EYA3: variants seen among roughly 807,000 people sequenced by gnomAD.
EYA3 encodes the protein protein phosphatase EYA3.
EYA3 carries 39 observed loss-of-function variants against 80.0 expected under a neutral mutation model. That is an observed-to-expected ratio of 0.49 (90% confidence interval 0.38 to 0.64). The LOEUF is 0.64. Ranked by LOEUF, EYA3 falls within the 30% of genes least tolerant of loss-of-function variation. The probability of loss-of-function intolerance (pLI) is 0.00; values close to 1 mark genes in which losing one functional copy is unlikely to be tolerated. For synonymous variants in EYA3, 206 were observed against 232.8 expected, an observed-to-expected ratio of 0.88 and a Z score of 1.05; for missense variants, 523 against 676.1, an observed-to-expected ratio of 0.77 and a Z score of 2.51.
intron 10 of EYA3, among the ~76,000 whole-genome samples, chr1:28,008,623 C>G (rs1432065635): frequency 6.6e-6 from 1 of 151,992 alleles, no homozygotes; most frequent in South Asian, 2.1e-4. Context: ...CAAAGAACTC[C>G]TACAACTCAA....
intron 1 of EYA3, among the ~76,000 whole-genome samples, chr1:28,078,257 T>A (rs115428856): frequency 0.016 from 2,374 of 152,302 alleles, 46 homozygotes; most frequent in Middle Eastern, 0.051. Flanking sequence ...AGAGAGATTT[T>A]AAAAGTTGGG....
At chr1:28,027,977 G>C in intron 6 of EYA3, 51 bp from the exon 7 acceptor site, 1 of 1,584,580 alleles carries the variant, frequency 6.3e-7, no homozygotes, top group Non-Finnish European at 8.6e-7. Flanking sequence ...GGACTGAGGA[G>C]CATGGTTATG....
intron 3 of EYA3, among the ~76,000 whole-genome samples, chr1:28,045,364 A>G (rs1176977392): frequency 6.6e-6 from 1 of 152,202 alleles, no homozygotes; most frequent in African/African-American, 2.4e-5. Flanking sequence ...TACCAGGGGA[A>G]GGGCATAAAA....
At chr1:28,038,458 A>AAC (rs1237786341) in intron 5 of EYA3, among the ~76,000 whole-genome samples, 2 of 151,012 alleles carry the variant, frequency 1.3e-5, no homozygotes, top group African/African-American at 4.9e-5. Context: ...AAAAAAAAAA[A>AAC]AAAAAACCGA....
chr1:27,974,416 C>G lies in EYA3; in HGVS notation c.*50G>C, dbSNP rs1638840384. 1 of 1,456,902 alleles carries G rather than the reference C, an allele frequency of 6.9e-7. No individual in the cohort carries two copies. Among genetic ancestry groups the G allele is most frequent in the African/African-American group, 1.4e-5 (1 of 71,108 alleles). 90.2% of individuals were successfully genotyped at this position (1,456,902 alleles called of 1,614,324 possible). A position where few individuals can be genotyped will look rare whatever the true frequency, so the allele number is the denominator to read the frequency against. ...TCTCAGTTGGTTCCAGTCTCCAGCT[C>G]CCTTCAGGAGTGAAAAGGAGCTCAA... On this transcript the variant is annotated 3_prime_UTR_variant, in exon 18 of 18. Coordinates refer to ENST00000373871, the MANE Select transcript of EYA3 (RefSeq NM_001990.4).
At chr1:28,081,448 T>C (rs1645425449) in intron 1 of EYA3, among the ~76,000 whole-genome samples, 1 of 152,172 alleles carries the variant, frequency 6.6e-6, no homozygotes, top group Non-Finnish European at 1.5e-5. Context: ...TTTTTAAATT[T>C]AAAAGAGAAA....
intron 6 of EYA3, among the ~76,000 whole-genome samples, chr1:28,033,404 T>C (rs967870456): frequency 7.2e-5 from 11 of 152,086 alleles, no homozygotes; most frequent in African/African-American, 2.7e-4. Flanking sequence ...AAAATCTCTC[T>C]CCAGTAAGTC....
At chr1:27,983,947 G>C in intron 16 of EYA3, among the ~76,000 whole-genome samples, 1 of 151,940 alleles carries the variant, frequency 6.6e-6, no homozygotes, top group East Asian at 1.9e-4. Flanking sequence ...GAGCCATTAA[G>C]CCTGGCAGTT....
intron 1 of EYA3, among the ~76,000 whole-genome samples, chr1:28,069,931 T>C (rs1644965018): frequency 6.6e-6 from 1 of 152,124 alleles, no homozygotes; most frequent in African/African-American, 2.4e-5. Context: ...AAGAAGAGAC[T>C]GGAGGGTTAC....
intron 1 of EYA3, among the ~76,000 whole-genome samples, 174 bp downstream of exon 1, chr1:28,088,350 G>A (rs192280822): frequency 1.3e-5 from 2 of 152,284 alleles, no homozygotes; most frequent in Admixed American, 6.5e-5. Context: ...AAGCTGAGGT[G>A]AATAAGGCGA....
intron 1 of EYA3, among the ~76,000 whole-genome samples, chr1:28,064,922 C>T (rs1035543493): frequency 6.6e-6 from 1 of 152,156 alleles, no homozygotes; most frequent in African/African-American, 2.4e-5. Flanking sequence ...AGAGTAACAG[C>T]AATAATGTTG....
At chr1:28,002,537 A>G (rs1640939785) in intron 11 of EYA3, among the ~76,000 whole-genome samples, 1 of 151,894 alleles carries the variant, frequency 6.6e-6, no homozygotes, top group Non-Finnish European at 1.5e-5. Context: ...GAGGCTGGGT[A>G]TAGAAGCTCA....
At chr1:28,051,485 C>T (rs1221359563) in intron 2 of EYA3, among the ~76,000 whole-genome samples, 6 of 152,002 alleles carry the variant, frequency 3.9e-5, no homozygotes, top group Non-Finnish European at 7.4e-5. Flanking sequence ...GTCAGGAGTC[C>T]GAGACCAGGC....
intron 12 of EYA3, among the ~76,000 whole-genome samples, chr1:27,999,316 T>A (rs1172037363): frequency 6.6e-6 from 1 of 152,172 alleles, no homozygotes; most frequent in Non-Finnish European, 1.5e-5. Context: ...CACATTCTGG[T>A]CTTCTGACTC....
chr1:27,987,017 A>G (rs1279146374), intron 16 of EYA3, among the ~76,000 whole-genome samples: 1 of 152,186 alleles, frequency 6.6e-6, no homozygotes, highest in African/African-American at 2.4e-5. Flanking sequence ...ACAATTTTTA[A>G]GTGTAAAGTT....
In EYA3 at chr1:28,048,428, T is replaced by C; in HGVS notation, c.34-2A>G. 1 of 1,610,972 alleles carries C rather than the reference T, an allele frequency of 6.2e-7. No individual in the cohort carries two copies. Among genetic ancestry groups the C allele is most frequent in the Non-Finnish European group, 8.5e-7 (1 of 1,177,946 alleles). On this transcript the variant is annotated splice_acceptor_variant, in intron 2 of 17. Transcript: ENST00000373871. LOFTEE classifies it high-confidence loss of function. Reference sequence around the variant, plus strand: ...TTCCTGCATCTTGGCTTTTTTCACCTGCAAAAATAAATATACAAAGGTATC... The same window carrying C: ...TTCCTGCATCTTGGCTTTTTTCACCCGCAAAAATAAATATACAAAGGTATC...
At chr1:27,975,195 A>G (rs1361451594) in intron 17 of EYA3, among the ~76,000 whole-genome samples, 1 of 148,650 alleles carries the variant, frequency 6.7e-6, no homozygotes, top group Non-Finnish European at 1.5e-5. Flanking sequence ...TTTTTATTTT[A>G]TTTTGAGACA....
intron 1 of EYA3, among the ~76,000 whole-genome samples, chr1:28,077,931 C>T (rs935654035): frequency 6.6e-6 from 1 of 152,148 alleles, no homozygotes; most frequent in African/African-American, 2.4e-5. Context: ...ACTGACTATA[C>T]ACTATACTAA....
chr1:28,073,116 TATATA>T (rs1645077204), intron 1 of EYA3, among the ~76,000 whole-genome samples: 2 of 50,306 alleles, frequency 4.0e-5, no homozygotes, highest in African/African-American at 1.1e-4. Context: ...TATATATATA[TATATA>T]TATATATTTT....
Sources: allele counts gnomAD v4.1 joint callset (sites outside exome capture counted in the v4.1 genomes callset), GRCh38; gene constraint gnomAD v4.1.1; transcripts MANE v1.5; gene names NCBI Gene and HGNC (gene_info 2026-07-23, HGNC 2026-07-21).